Variants in CSMD1 observed in about 807,000 individuals in gnomAD.
CSMD1 encodes CUB and sushi domain-containing protein 1.
A neutral mutation model predicts 417.5 loss-of-function variants in CSMD1; 213 were observed. The ratio of observed to expected loss-of-function variants is 0.51; its 90% CI spans 0.46 to 0.57. The LOEUF (loss-of-function observed/expected upper bound fraction) is 0.57, where lower values mean the gene tolerates loss of function less well. CSMD1 is among the 20% of genes least tolerant of loss of function. The probability of loss-of-function intolerance (pLI) is 0.00; values close to 1 mark genes in which losing one functional copy is unlikely to be tolerated. For missense variants in CSMD1, 6,923 were observed against 4,529.7 expected (o/e 1.53, Z -15.17); for synonymous variants, 2,862 against 1,736.8 (o/e 1.65, Z -16.11).
At chr8:4,650,581 G>A (rs1019204110) in intron 1 of CSMD1, among the ~76,000 whole-genome samples, 3 of 151,662 alleles carry the variant, frequency 2.0e-5, no homozygotes, top group Admixed American at 6.6e-5. Context: ...GAAACTCCAC[G>A]GAGAATTCGG....
intron 6 of CSMD1, among the ~76,000 whole-genome samples, chr8:3,716,208 G>C (rs147387532): frequency 1.5e-4 from 23 of 152,242 alleles, no homozygotes; most frequent in African/African-American, 5.3e-4. Context: ...ACTATTTATT[G>C]CCATACTGTG....
intron 3 of CSMD1, among the ~76,000 whole-genome samples, chr8:4,378,064 C>G (rs1802868672): frequency 2.0e-5 from 3 of 152,156 alleles, no homozygotes; most frequent in Admixed American, 1.3e-4. Flanking sequence ...ACTACTCATT[C>G]AATTACAGAC....
At chr8:3,433,598 T>C (rs531871145) in intron 12 of CSMD1, among the ~76,000 whole-genome samples, 1 of 152,250 alleles carries the variant, frequency 6.6e-6, no homozygotes, top group African/African-American at 2.4e-5. Flanking sequence ...CACACTCTAG[T>C]GCTGACGAGG....
At chr8:4,377,340 G>A (rs972564157) in intron 3 of CSMD1, among the ~76,000 whole-genome samples, 1 of 152,148 alleles carries the variant, frequency 6.6e-6, no homozygotes, top group Non-Finnish European at 1.5e-5. Flanking sequence ...GAGGCTTAGA[G>A]CTTACTAATT....
At chr8:4,384,868 C>A (rs976057342) in intron 3 of CSMD1, among the ~76,000 whole-genome samples, 1 of 150,464 alleles carries the variant, frequency 6.6e-6, no homozygotes, top group African/African-American at 2.4e-5. Flanking sequence ...TTAACAAATA[C>A]AACTGCTCTA....
chr8:3,763,351 A>G (rs1483448680), intron 5 of CSMD1, among the ~76,000 whole-genome samples: 2 of 152,148 alleles, frequency 1.3e-5, no homozygotes, highest in Non-Finnish European at 2.9e-5. Context: ...TCATGGGGGC[A>G]GAACCCTCAT....
chr8:4,083,047 C>G (rs1247264984), intron 3 of CSMD1, among the ~76,000 whole-genome samples: 1 of 151,946 alleles, frequency 6.6e-6, no homozygotes, highest in African/African-American at 2.4e-5. Context: ...CAAGTCTTTG[C>G]TATTGTGAAT....
rs73660388 is a variant in CSMD1 at position 3,617,732 on chromosome 8, T to C, written c.1010-935A>G. On this transcript the variant is annotated intron_variant, in intron 7 of 69. Transcript: ENST00000635120. ...TCAAGAACCTGGACCTGCTACCTTA[T>C]TGTTAAGGCAGAAAATCAACCAATT... Among the ~76,000 whole-genome samples the C allele has an allele frequency of 8.8e-3, 1,344 of 152,288 alleles. 14 individuals are homozygous for C. Among genetic ancestry groups the C allele is most frequent in the South Asian group, 0.039 (188 of 4,824 alleles).
chr8:4,016,407 G>C (rs1221140764), intron 4 of CSMD1, among the ~76,000 whole-genome samples: 1 of 152,154 alleles, frequency 6.6e-6, no homozygotes, highest in Non-Finnish European at 1.5e-5. Context: ...TGGCAGAGAA[G>C]ATGCATGACC....
At chr8:4,361,680 A>C (rs1801773929) in intron 3 of CSMD1, among the ~76,000 whole-genome samples, 1 of 152,046 alleles carries the variant, frequency 6.6e-6, no homozygotes, top group Non-Finnish European at 1.5e-5. Flanking sequence ...GCCAGGTGCG[A>C]CGGCTTGGCT....
intron 1 of CSMD1, among the ~76,000 whole-genome samples, chr8:4,658,890 A>C (rs1463658823): frequency 6.6e-6 from 1 of 152,158 alleles, no homozygotes; most frequent in African/African-American, 2.4e-5. Flanking sequence ...TAGGAGCACA[A>C]CTTTTCTATG....
intron 1 of CSMD1, among the ~76,000 whole-genome samples, chr8:4,799,218 G>A (rs1024727131): frequency 1.3e-5 from 2 of 152,160 alleles, no homozygotes; most frequent in Non-Finnish European, 2.9e-5. Context: ...TTTGAAAACT[G>A]TAAGAGTGAA....
At chr8:4,270,440 T>C (rs903849653) in intron 3 of CSMD1, among the ~76,000 whole-genome samples, 1 of 152,128 alleles carries the variant, frequency 6.6e-6, no homozygotes, top group African/African-American at 2.4e-5. Context: ...AAACCATCTA[T>C]TTTCAAAGAT....
At chr8:4,278,196 C>T (rs934833443) in intron 3 of CSMD1, among the ~76,000 whole-genome samples, 2 of 152,138 alleles carry the variant, frequency 1.3e-5, no homozygotes, top group South Asian at 4.1e-4. Context: ...TATATAATTC[C>T]AGTGCTCAAT....
chr8:3,171,952 T>C (rs1820606588), intron 37 of CSMD1, among the ~76,000 whole-genome samples: 1 of 152,212 alleles, frequency 6.6e-6, no homozygotes, highest in Admixed American at 6.5e-5. Flanking sequence ...TTTCCCTTTC[T>C]GTAGCATGCT....
chr8:3,005,856 G>A (rs367862619), intron 52 of CSMD1, among the ~76,000 whole-genome samples: 6 of 151,940 alleles, frequency 3.9e-5, no homozygotes, highest in Non-Finnish European at 5.9e-5. Flanking sequence ...CTTTGAAAAC[G>A]GGCACAAGAC....
At chr8:3,697,736 A>G (rs1162204553) in intron 7 of CSMD1, among the ~76,000 whole-genome samples, 1 of 152,218 alleles carries the variant, frequency 6.6e-6, no homozygotes, top group Admixed American at 6.5e-5. Flanking sequence ...ATTTTCTTAT[A>G]TAAAATTTGA....
intron 3 of CSMD1, among the ~76,000 whole-genome samples, chr8:4,048,457 T>C (rs1473054239): frequency 6.6e-6 from 1 of 152,222 alleles, no homozygotes; most frequent in Non-Finnish European, 1.5e-5. Context: ...AACAAGATTC[T>C]GCAGTAGCTA....
intron 3 of CSMD1, among the ~76,000 whole-genome samples, chr8:4,336,371 C>A (rs1009071162): frequency 1.8e-4 from 28 of 152,136 alleles, no homozygotes; most frequent in Non-Finnish European, 2.8e-4. Context: ...TAACAGGCAA[C>A]TGTGCCTGAC....
Sources: gnomAD v4.1 joint callset for allele counts (sites outside exome capture counted in the v4.1 genomes callset) on GRCh38, gnomAD v4.1.1 for gene constraint, MANE v1.5 for transcripts, NCBI Gene and HGNC (gene_info 2026-07-23, HGNC 2026-07-21) for gene names.